The following STPG2 variants were observed in gnomAD, a reference collection of about 807,000 sequenced individuals.
STPG2 encodes sperm tail PG-rich repeat containing 2.
In STPG2, 56 loss-of-function variants were observed where a neutral mutation model predicts 54.2. The observed-to-expected ratio is 1.03, with a 90% CI of 0.83 to 1.29. STPG2 has a LOEUF of 1.29. Ranked by LOEUF, STPG2 falls within the 50% of genes most tolerant of loss-of-function variation. The pLI, the probability that STPG2 is intolerant of heterozygous loss-of-function variation, is 0.00. For synonymous variants in STPG2, 200 were observed against 181.8 expected (o/e 1.10, Z -0.81); for missense variants, 596 against 544.9 (o/e 1.09, Z -0.93).
rs185419895 is a variant in STPG2, at chr4:97,473,240, C to T, written c.462+239459G>A. The stretch of plus-strand genomic sequence containing the variant: ...CAGAGAGAAAACCTTGAACTCTGAC[C>T]GCTGGTGAGCTGGGTGGAACAGAGC... On this transcript the variant is annotated intron_variant, in intron 4 of 4. Coordinates refer to the STPG2 transcript ENST00000522676. Among the ~76,000 whole-genome samples, 340 of 152,252 alleles carry T rather than the reference C, an allele frequency of 2.2e-3. 1 individual carries two copies. Among genetic ancestry groups the T allele is most frequent in the African/African-American group, 7.6e-3 (315 of 41,556 alleles).
At chr4:97,650,969 G>A (rs948884407) in intron 10 of STPG2, among the ~76,000 whole-genome samples, 1 of 151,840 alleles carries the variant, frequency 6.6e-6, no homozygotes, top group African/African-American at 2.4e-5. Flanking sequence ...GCTTTGTAGG[G>A]CATGGCTCCC....
intron 2 of STPG2, among the ~76,000 whole-genome samples, chr4:98,131,387 A>G (rs1349435633): frequency 6.6e-6 from 1 of 152,210 alleles, no homozygotes; most frequent in African/African-American, 2.4e-5. Flanking sequence ...AGCATTATGT[A>G]TGGCCACACA....
intron 10 of STPG2, among the ~76,000 whole-genome samples, chr4:97,575,324 A>G (rs936196408): frequency 6.6e-6 from 1 of 152,078 alleles, no homozygotes; most frequent in Admixed American, 6.6e-5. Context: ...AAAACCTGGT[A>G]GAGACACAAT....
At chr4:97,724,769 G>T (rs1477757875) in intron 9 of STPG2, among the ~76,000 whole-genome samples, 2 of 152,044 alleles carry the variant, frequency 1.3e-5, no homozygotes, top group Non-Finnish European at 2.9e-5. Flanking sequence ...GTAATAGTAG[G>T]TATCCTTGTC....
intron 9 of STPG2, among the ~76,000 whole-genome samples, chr4:97,776,018 T>C (rs1285042053): frequency 6.6e-6 from 1 of 152,122 alleles, no homozygotes; most frequent in Non-Finnish European, 1.5e-5. Context: ...CACCTCGGCC[T>C]CCCAAAGTGC....
intron 9 of STPG2, among the ~76,000 whole-genome samples, chr4:97,737,584 T>C (rs1444389469): frequency 6.6e-6 from 1 of 152,094 alleles, no homozygotes; most frequent in Non-Finnish European, 1.5e-5. Flanking sequence ...CAGGAGCTGA[T>C]GTGATCAACT....
At chr4:97,613,808 T>G (rs543493039) in intron 10 of STPG2, among the ~76,000 whole-genome samples, 1 of 152,068 alleles carries the variant, frequency 6.6e-6, no homozygotes, top group Non-Finnish European at 1.5e-5. Flanking sequence ...GAGGTTTTTT[T>G]CTACCACTTT....
At chr4:97,771,327 G>A (rs1726211953) in intron 9 of STPG2, among the ~76,000 whole-genome samples, 1 of 152,158 alleles carries the variant, frequency 6.6e-6, no homozygotes, top group African/African-American at 2.4e-5. Flanking sequence ...AAAACTCTGT[G>A]CCATGCTCTA....
At chr4:97,982,581 C>T (rs573555053) in intron 5 of STPG2, among the ~76,000 whole-genome samples, 6 of 152,226 alleles carry the variant, frequency 3.9e-5, no homozygotes, top group African/African-American at 1.4e-4. Flanking sequence ...ATTCCAAATT[C>T]GTCGGCTGAT....
At chr4:97,572,940 C>T (rs969233550) in intron 10 of STPG2, among the ~76,000 whole-genome samples, 3 of 151,968 alleles carry the variant, frequency 2.0e-5, no homozygotes, top group Non-Finnish European at 4.4e-5. Context: ...ATTCAATAGG[C>T]GTTTAACTAG....
intron 5 of STPG2, among the ~76,000 whole-genome samples, chr4:98,094,563 T>C (rs1224778619): frequency 2.0e-5 from 3 of 152,066 alleles, no homozygotes; most frequent in Non-Finnish European, 4.4e-5. Context: ...AGGCCTAGGC[T>C]CTTGGACAGC....
chr4:97,604,278 A>G (rs1031192302), intron 10 of STPG2, among the ~76,000 whole-genome samples: 8 of 151,726 alleles, frequency 5.3e-5, no homozygotes, highest in Non-Finnish European at 8.9e-5. Flanking sequence ...AAAATATTTT[A>G]TAGTATATCC....
At chr4:98,136,760 T>C (rs969534401) in intron 1 of STPG2, among the ~76,000 whole-genome samples, 3 of 151,828 alleles carry the variant, frequency 2.0e-5, no homozygotes, top group African/African-American at 7.2e-5. Flanking sequence ...TTATTTACTA[T>C]ATATGAAGTG....
intron 9 of STPG2, among the ~76,000 whole-genome samples, chr4:97,826,119 C>T (rs1021295653): frequency 1.2e-4 from 19 of 152,196 alleles, no homozygotes; most frequent in Admixed American, 7.2e-4. Context: ...ATAGGCTCCA[C>T]ACCTGGTACA....
chr4:97,969,790 T>C (rs1275152154), intron 7 of STPG2, among the ~76,000 whole-genome samples: 1 of 152,128 alleles, frequency 6.6e-6, no homozygotes, highest in Admixed American at 6.5e-5. Context: ...CTATTCAACA[T>C]AGTGTTGGAA....
At chr4:97,496,236 A>C (rs767674848) in intron 4 of STPG2, among the ~76,000 whole-genome samples, 3 of 151,718 alleles carry the variant, frequency 2.0e-5, no homozygotes, top group Non-Finnish European at 3.0e-5. Flanking sequence ...GAATAGCAAA[A>C]ATAACTTGCA....
At chr4:97,883,922 A>T (rs1730469458) in intron 8 of STPG2, among the ~76,000 whole-genome samples, 1 of 152,136 alleles carries the variant, frequency 6.6e-6, no homozygotes, top group Non-Finnish European at 1.5e-5. Flanking sequence ...CAGGATAAAT[A>T]GGAAAAGGAA....
intron 5 of STPG2, among the ~76,000 whole-genome samples, chr4:97,999,021 TG>T (rs1735331420): frequency 1.4e-5 from 1 of 73,882 alleles, no homozygotes; most frequent in African/African-American, 5.5e-5. Context: ...TTTTTTTTTC[TG>T]TAATAAACTA....
chr4:97,539,030 C>G (rs1200327774), intron 4 of STPG2, among the ~76,000 whole-genome samples: 1 of 152,188 alleles, frequency 6.6e-6, no homozygotes, highest in Non-Finnish European at 1.5e-5. Context: ...CCTACAAGAG[C>G]TCCTGAAGGA....
Sources: allele counts gnomAD v4.1 joint callset (sites outside exome capture counted in the v4.1 genomes callset), GRCh38; gene constraint gnomAD v4.1.1; transcripts MANE v1.5; gene names NCBI Gene and HGNC (gene_info 2026-07-23, HGNC 2026-07-21).